Variants in ZNRF3 observed in about 807,000 individuals in gnomAD.
ZNRF3 encodes the protein E3 ubiquitin-protein ligase ZNRF3.
ZNRF3 carries 23 observed loss-of-function variants against 72.5 expected under a neutral mutation model. The ratio of observed to expected loss-of-function variants is 0.32; its 90% confidence interval spans 0.23 to 0.45. ZNRF3 has a LOEUF of 0.45. Ranked by LOEUF, ZNRF3 falls within the 20% of genes least tolerant of loss-of-function variation. The pLI, the probability that ZNRF3 is intolerant of heterozygous loss-of-function variation, is 1.00. For synonymous variants in ZNRF3, 610 were observed against 545.3 expected (o/e 1.12, Z -1.65); for missense variants, 1,169 against 1,272.1 (o/e 0.92, Z 1.23).
intron 1 of ZNRF3, among the ~76,000 whole-genome samples, chr22:28,889,904 C>G (rs1054126465): frequency 6.6e-6 from 1 of 152,150 alleles, no homozygotes; most frequent in African/African-American, 2.4e-5. Context: ...CCCTTGTGGA[C>G]CTGGACCCCA....
At chr22:29,032,712 A>G (rs1411590972) in intron 2 of ZNRF3, among the ~76,000 whole-genome samples, 2 of 152,224 alleles carry the variant, frequency 1.3e-5, no homozygotes, top group African/African-American at 4.8e-5. Flanking sequence ...GCAAAAGCTG[A>G]TCTTTTAGGT....
intron 1 of ZNRF3, among the ~76,000 whole-genome samples, chr22:28,941,305 A>G (rs2034943451): frequency 6.6e-6 from 1 of 152,170 alleles, no homozygotes; most frequent in Admixed American, 6.6e-5. Context: ...TTGAATTCAG[A>G]GAAGGTTTTT....
chr22:28,939,296 A>AAC (rs889904578), intron 1 of ZNRF3, among the ~76,000 whole-genome samples: 17 of 151,924 alleles, frequency 1.1e-4, no homozygotes, highest in Admixed American at 2.0e-4. Flanking sequence ...AAAAAAAAAA[A>AAC]AAACAAAACC....
In ZNRF3 at chr22:28,883,915, CCGGCG is replaced by C; in HGVS notation, c.158_162del (p.Ala53GlyfsTer54). On this transcript the variant is annotated frameshift_variant, in exon 1 of 9. Transcript: ENST00000544604. LOFTEE classifies it high-confidence loss of function. This position sits in a 1 kb window ranked among gnomAD's most constrained non-coding sequence, Gnocchi z 5.5. ...GGGCTGCTGCTGGCGGCCGCGGGGC[CCGGCG>C]CGGCGCGGGCCAAGGAGACGGCGTT... 2 of 1,175,716 alleles carry C rather than the reference CCGGCG, an allele frequency of 1.7e-6. No homozygotes were observed. Among genetic ancestry groups the C allele is most frequent in the Non-Finnish European group, 2.1e-6 (2 of 936,406 alleles). The allele number at this position is 1,175,716 out of a possible 1,614,324, so 72.8% of individuals were successfully genotyped here.
At chr22:28,898,046 G>C (rs1222955768) in intron 1 of ZNRF3, among the ~76,000 whole-genome samples, 1 of 151,970 alleles carries the variant, frequency 6.6e-6, no homozygotes, top group Non-Finnish European at 1.5e-5. Context: ...AGTCTCAAAC[G>C]ATCCTCCCAC....
chr22:28,911,651 A>G (rs977379991), intron 1 of ZNRF3, among the ~76,000 whole-genome samples: 1 of 151,764 alleles, frequency 6.6e-6, no homozygotes, highest in Admixed American at 6.6e-5. Flanking sequence ...AATTGCTGCC[A>G]TGGCATTTGA....
At position 29,053,463 on chromosome 22, in the gene ZNRF3, C is replaced by A. The variant is rs912681120; in HGVS notation, c.2768-116C>A. ...CTCTGGGAACAGGAACCTGCTTCAGCCCTTTAGCATACACAGGCCTGCCAC... is the reference window on the plus strand; with the variant it reads ...CTCTGGGAACAGGAACCTGCTTCAGACCTTTAGCATACACAGGCCTGCCAC... On this transcript the variant is annotated intron_variant, in intron 8 of 8. Coordinates refer to ENST00000544604, the MANE Select transcript of ZNRF3 (RefSeq NM_001206998.2). 6.6e-6 allele frequency: 6 copies of A among 908,978 alleles called. No individual in the cohort carries two copies. The Admixed American group carries it at 9.4e-5, about 14-fold the overall frequency. The allele number at this position is 908,978 out of a possible 1,614,324, so 56.3% of individuals were successfully genotyped here.
At chr22:28,937,174 AATATATATATATATATAT>A (rs61520434) in intron 1 of ZNRF3, among the ~76,000 whole-genome samples, 20 of 78,726 alleles carry the variant, frequency 2.5e-4, no homozygotes, top group African/African-American at 1.0e-3. Flanking sequence ...TCTCTCTTAT[AATATATATATATATATAT>A]ATATATATAT....
At chr22:28,942,557 G>T (rs369371074) in intron 1 of ZNRF3, among the ~76,000 whole-genome samples, 2 of 152,190 alleles carry the variant, frequency 1.3e-5, no homozygotes, top group South Asian at 2.1e-4. Context: ...AAGTCTCTTA[G>T]TGTATCCCAA....
intron 1 of ZNRF3, among the ~76,000 whole-genome samples, chr22:28,901,704 G>A (rs1351922190): frequency 1.5e-5 from 2 of 137,134 alleles, no homozygotes; most frequent in Non-Finnish European, 3.0e-5. Flanking sequence ...GTAGTGGCAC[G>A]ATCTCGGCTC....
At chr22:29,021,689 T>C (rs1478596133) in intron 2 of ZNRF3, among the ~76,000 whole-genome samples, 2 of 151,904 alleles carry the variant, frequency 1.3e-5, no homozygotes, top group African/African-American at 4.8e-5. Flanking sequence ...GGTTTCACCA[T>C]GTTGGCTAGG....
chr22:28,945,413 C>T (rs901746579), intron 1 of ZNRF3, among the ~76,000 whole-genome samples: 8 of 151,510 alleles, frequency 5.3e-5, no homozygotes, highest in South Asian at 2.1e-4. Context: ...AAAGAAGGAC[C>T]GGGCACGGTG....
intron 1 of ZNRF3, among the ~76,000 whole-genome samples, chr22:28,984,095 A>G (rs2035812468): frequency 6.6e-6 from 1 of 151,718 alleles, no homozygotes; most frequent in Non-Finnish European, 1.5e-5. Flanking sequence ...GTCATTCCTG[A>G]GTAAGCTCTT....
chr22:28,977,864 G>A (rs2035702784), intron 1 of ZNRF3, among the ~76,000 whole-genome samples: 2 of 152,170 alleles, frequency 1.3e-5, no homozygotes, highest in Admixed American at 6.5e-5. Flanking sequence ...TATATCTCAA[G>A]GATTTTGTAC....
At chr22:28,937,211 ATATATTTTT>A (rs1390819934) in intron 1 of ZNRF3, among the ~76,000 whole-genome samples, 3 of 3,258 alleles carry the variant, frequency 9.2e-4, no homozygotes, top group African/African-American at 1.7e-3. Flanking sequence ...ATATATATAT[ATATATTTTT>A]TTTTTTTTTT....
chr22:29,012,430 A>G (rs1341913136), intron 2 of ZNRF3, among the ~76,000 whole-genome samples: 3 of 152,214 alleles, frequency 2.0e-5, no homozygotes, highest in Non-Finnish European at 4.4e-5. Context: ...TGGGTGCACC[A>G]TTGACTTACC....
At chr22:29,023,845 T>C (rs2036578586) in intron 2 of ZNRF3, among the ~76,000 whole-genome samples, 1 of 152,202 alleles carries the variant, frequency 6.6e-6, no homozygotes, top group Non-Finnish European at 1.5e-5. Flanking sequence ...CAGTTCCCCA[T>C]GCCTGCCTGA....
chr22:28,954,499 T>G (rs1273003375), intron 1 of ZNRF3, among the ~76,000 whole-genome samples: 1 of 152,212 alleles, frequency 6.6e-6, no homozygotes, highest in Non-Finnish European at 1.5e-5. Flanking sequence ...AAATATGACT[T>G]TTGGGGAGAC....
rs570686631 is a variant in ZNRF3 at position 29,053,834 on chromosome 22, G to C, written c.*212G>C. 1 of 500,522 alleles carries C rather than the reference G, an allele frequency of 2.0e-6. No homozygotes were observed. The highest frequency in any genetic ancestry group is 3.7e-5 in the Admixed American group (1 of 27,324). 31.0% of individuals were successfully genotyped at this position (500,522 alleles called of 1,614,324 possible). A position where few individuals can be genotyped will look rare whatever the true frequency, so the allele number is the denominator to read the frequency against. ...CAAATCAACAGACAAAATTCTCCGA[G>C]TCCTTTGCCTCTTTTGATAACATGT... On this transcript the variant is annotated 3_prime_UTR_variant, in exon 9 of 9. Transcript: ENST00000544604.
Sources: gnomAD v4.1 joint callset for allele counts (sites outside exome capture counted in the v4.1 genomes callset) on GRCh38, gnomAD v4.1.1 for gene constraint, Gnocchi (gnomAD v3.1) non-coding constraint, MANE v1.5 for transcripts, NCBI Gene and HGNC (gene_info 2026-07-23, HGNC 2026-07-21) for gene names.